The following SPEF2 variants were observed in gnomAD, a reference collection of about 807,000 sequenced individuals.
The protein encoded by SPEF2 is sperm flagella and cilia-associated protein 2.
SPEF2 carries 187 observed loss-of-function variants against 224.6 expected under a neutral mutation model. That is an observed-to-expected ratio of 0.83 (90% CI 0.74 to 0.94). SPEF2 has a LOEUF of 0.94. Among genes scored for constraint, SPEF2 ranks in the 40% least tolerant of loss-of-function variants. The probability of loss-of-function intolerance (pLI) is 0.00; values close to 1 mark genes in which losing one functional copy is unlikely to be tolerated. For missense variants in SPEF2, 2,170 were observed against 2,135.6 expected (o/e 1.02, Z -0.32); for synonymous variants, 715 against 707.3 (o/e 1.01, Z -0.17).
intron 10 of SPEF2, 106 bp downstream of exon 10, chr5:35,670,333 T>C (rs1172161840): frequency 1.4e-6 from 2 of 1,451,076 alleles, no homozygotes; most frequent in East Asian, 2.5e-5. Flanking sequence ...AAAATAGACA[T>C]GTTTTGTTTG....
chr5:35,641,540 G>C lies in SPEF2; in HGVS notation c.271G>C (p.Gly91Arg), dbSNP rs1181680690. The C allele has an allele frequency of 3.1e-6, 5 of 1,613,698 alleles. No homozygotes were observed. The highest frequency in any genetic ancestry group is 4.2e-6 in the Non-Finnish European group (5 of 1,179,858). ...VAHGIITEKP[G>R]VATKLLYQLY... ...CCATGGCATCATCACAGAAAAGCCT[G>C]GGGTGGCAACAAAGCTGTTATATCA... The change falls in exon 3 of 37, where the codon GGG becomes CGG. Residue 91 changes from glycine (G) to arginine (R), a missense_variant. By Grantham distance (125) the Gly-to-Arg change is moderately radical (BLOSUM62 -2). Coordinates refer to ENST00000356031, the MANE Select transcript of SPEF2 (RefSeq NM_024867.4).
chr5:35,630,625 G>A lies in SPEF2; in HGVS notation c.161+2063G>A, dbSNP rs557957896. ...GCAGGAGAATGGCATGAACCCGGGAGGCGGAGCTTGCAGTGAGCCGAGATT... is the reference window on the plus strand; with the variant it reads ...GCAGGAGAATGGCATGAACCCGGGAAGCGGAGCTTGCAGTGAGCCGAGATT... On this transcript the variant is annotated intron_variant, in intron 2 of 36. Coordinates refer to ENST00000356031, the MANE Select transcript of SPEF2 (RefSeq NM_024867.4). 2.0e-5 allele frequency among the ~76,000 whole-genome samples: 3 copies of A among 152,264 alleles called. No homozygotes were observed. The South Asian group carries it at 6.2e-4, about 32-fold the overall frequency.
chr5:35,712,867 G>C lies in SPEF2; in HGVS notation c.2895G>C (p.Glu965Asp). ...AGGAAGGAAAAGGGAAGAAAGGTGA[G>C]ACCGCACTCAAAAGAAAAGGTACAG... ...SLQEGKGKKG[E>D]TALKRKGSPK... Residue 965 changes from glutamate (E) to aspartate (D), a missense_variant, in exon 20 of 37, where the codon GAG (glutamate) becomes GAC (aspartate). Transcript: ENST00000356031. The C allele has an allele frequency of 6.2e-7, 1 of 1,613,696 alleles. No individual in the cohort carries two copies. Among genetic ancestry groups the C allele is most frequent in the Non-Finnish European group, 8.5e-7 (1 of 1,179,902 alleles).
At chr5:35,708,304 C>T (rs1317404140) in intron 18 of SPEF2, among the ~76,000 whole-genome samples, 1 of 151,942 alleles carries the variant, frequency 6.6e-6, no homozygotes, top group Non-Finnish European at 1.5e-5. Flanking sequence ...TTTCTTTCCC[C>T]TTCCATTTCC....
At chr5:35,787,687 G>T (rs77654162) in intron 30 of SPEF2, among the ~76,000 whole-genome samples, 11,300 of 152,132 alleles carry the variant, frequency 0.074, 474 homozygotes, top group African/African-American at 0.11. Flanking sequence ...TAGGGGTAAT[G>T]GTTTGTGAGG....
chr5:35,800,570 G>T (rs111374718), intron 34 of SPEF2, among the ~76,000 whole-genome samples: 1 of 152,076 alleles, frequency 6.6e-6, no homozygotes, highest in South Asian at 2.1e-4. Context: ...ACCAAAGCCC[G>T]GCCACTGGAA....
chr5:35,634,836 T>C (rs898859911), intron 2 of SPEF2, among the ~76,000 whole-genome samples: 2 of 152,110 alleles, frequency 1.3e-5, no homozygotes, highest in African/African-American at 2.4e-5. Flanking sequence ...TGAGCCAATA[T>C]TTGTATATTA....
chr5:35,734,798 G>C (rs370142155), intron 21 of SPEF2, among the ~76,000 whole-genome samples: 1 of 140,418 alleles, frequency 7.1e-6, no homozygotes, highest in Non-Finnish European at 1.5e-5. Context: ...TGCAACCTCC[G>C]CCTCCCGGGT....
chr5:35,733,283 T>A (rs1464834969), intron 21 of SPEF2, among the ~76,000 whole-genome samples: 7 of 152,016 alleles, frequency 4.6e-5, no homozygotes, highest in African/African-American at 1.7e-4. Context: ...CCCGACTAGT[T>A]TTTTGTATTT....
At chr5:35,737,472 T>C (rs1242938527) in intron 21 of SPEF2, among the ~76,000 whole-genome samples, 1 of 151,526 alleles carries the variant, frequency 6.6e-6, no homozygotes, top group Non-Finnish European at 1.5e-5. Flanking sequence ...TGGTTGGTTT[T>C]TTGTCCTTGC....
At chr5:35,753,505 T>A in intron 23 of SPEF2, 119 bp from the exon 24 acceptor site, 1 of 1,313,214 alleles carries the variant, frequency 7.6e-7, no homozygotes, top group Non-Finnish European at 1.1e-6. Flanking sequence ...GGAGTGCAAT[T>A]GGTGTAAAAT....
chr5:35,756,523 C>G (rs546160563), intron 24 of SPEF2, among the ~76,000 whole-genome samples: 1 of 152,224 alleles, frequency 6.6e-6, no homozygotes, highest in Non-Finnish European at 1.5e-5. Flanking sequence ...AATGAACAGC[C>G]CATCAAGTAA....
chr5:35,663,590 A>C (rs953738451), intron 8 of SPEF2, among the ~76,000 whole-genome samples: 2 of 151,902 alleles, frequency 1.3e-5, no homozygotes, highest in African/African-American at 2.4e-5. Flanking sequence ...CATCGTGTCC[A>C]TTTTCCTCCA....
chr5:35,718,065 G>A (rs914962962), intron 20 of SPEF2, among the ~76,000 whole-genome samples: 1 of 152,132 alleles, frequency 6.6e-6, no homozygotes, highest in Non-Finnish European at 1.5e-5. Flanking sequence ...TAGAAAACAT[G>A]TATTAAAACA....
intron 10 of SPEF2, among the ~76,000 whole-genome samples, chr5:35,673,689 A>G (rs1751493856): frequency 6.6e-6 from 1 of 152,170 alleles, no homozygotes; most frequent in African/African-American, 2.4e-5. Flanking sequence ...TTAATGGCAA[A>G]TTAGTGTTTA....
chr5:35,740,178 G>A lies in SPEF2; in HGVS notation c.3241G>A (p.Val1081Ile). Residue 1081 changes from valine to isoleucine, a missense_variant, in exon 23 of 37, where the codon GTA (valine) becomes ATA (isoleucine). Transcript: ENST00000356031. ...LKRPDHKQDF[V>I]AQWQADFNSL... Reference sequence around the variant, plus strand: ...GCGTCCGGATCACAAGCAAGATTTTGTAGCTCAATGGCAGGCTGATTTCAA... The same window carrying A: ...GCGTCCGGATCACAAGCAAGATTTTATAGCTCAATGGCAGGCTGATTTCAA... 1 of 1,614,112 alleles carries A rather than the reference G, an allele frequency of 6.2e-7. No homozygotes were observed. The highest frequency in any genetic ancestry group is 1.3e-5 in the African/African-American group (1 of 75,034).
chr5:35,620,049 A>T (rs934659135), intron 1 of SPEF2, among the ~76,000 whole-genome samples: 11 of 152,288 alleles, frequency 7.2e-5, no homozygotes, highest in African/African-American at 2.6e-4. Context: ...TTTAATCTCA[A>T]CTACTATAAG....
intron 21 of SPEF2, among the ~76,000 whole-genome samples, chr5:35,735,347 T>G (rs12519492): frequency 0.25 from 38,495 of 152,190 alleles, 6,204 homozygotes; most frequent in East Asian, 0.56. Context: ...TTACCAGTCT[T>G]CAAATATCTG....
chr5:35,712,328 CA>C lies in SPEF2; in HGVS notation c.2840-482del, dbSNP rs570563277. Among the ~76,000 whole-genome samples, 121 of 152,160 alleles carry C rather than the reference CA, an allele frequency of 8.0e-4. No individual in the cohort carries two copies. The South Asian group carries it at 0.025, about 31-fold the overall frequency. On this transcript the variant is annotated intron_variant, in intron 19 of 36. Transcript: ENST00000356031. Reference sequence around the variant, plus strand: ...CAGGCCATACTCAAACTCCTGGGCTCAAGCCATCCTCTAGCCTCAACCTCAT... The same window carrying C: ...CAGGCCATACTCAAACTCCTGGGCTCAGCCATCCTCTAGCCTCAACCTCAT...
Sources: allele counts gnomAD v4.1 joint callset (sites outside exome capture counted in the v4.1 genomes callset), GRCh38; gene constraint gnomAD v4.1.1; transcripts MANE v1.5; gene names NCBI Gene and HGNC (gene_info 2026-07-23, HGNC 2026-07-21).